The following BACE2 variants were observed in gnomAD, a reference collection of about 807,000 sequenced individuals.
BACE2 encodes beta-secretase 2.
BACE2 carries 17 observed loss-of-function variants against 46.2 expected under a neutral mutation model. The ratio of observed to expected loss-of-function variants is 0.37; its 90% CI spans 0.25 to 0.55. The LOEUF (loss-of-function observed/expected upper bound fraction) is 0.55, where lower values mean the gene tolerates loss of function less well. Ranked by LOEUF, BACE2 falls within the 20% of genes least tolerant of loss-of-function variation. The probability of loss-of-function intolerance (pLI) is 0.82; values close to 1 mark genes in which losing one functional copy is unlikely to be tolerated. For missense variants in BACE2, 595 were observed against 698.1 expected (o/e 0.85, Z 1.66); for synonymous variants, 277 against 295.9 (o/e 0.94, Z 0.66).
At chr21:41,214,226 G>T (rs1169147574) in intron 1 of BACE2, among the ~76,000 whole-genome samples, 3 of 152,194 alleles carry the variant, frequency 2.0e-5, no homozygotes, top group African/African-American at 7.2e-5. Context: ...GAGGGAGATT[G>T]GACCCCAAGC....
intron 1 of BACE2, among the ~76,000 whole-genome samples, chr21:41,197,266 G>GT (rs57910664): frequency 0.12 from 17,931 of 143,508 alleles, 1,219 homozygotes; most frequent in Non-Finnish European, 0.15. Flanking sequence ...AGCCAGCCAG[G>GT]TTTTTTTTGT....
chr21:41,271,337 T>C (rs1447101771), intron 8 of BACE2, among the ~76,000 whole-genome samples: 1 of 152,158 alleles, frequency 6.6e-6, no homozygotes, highest in African/African-American at 2.4e-5. Context: ...CTTGTTTCTG[T>C]ATGGCCTGTG....
intron 1 of BACE2, among the ~76,000 whole-genome samples, chr21:41,216,387 A>C (rs948352371): frequency 6.6e-6 from 1 of 152,220 alleles, no homozygotes; most frequent in Non-Finnish European, 1.5e-5. Flanking sequence ...GGCTTTGCCA[A>C]GCTGTGACTC....
chr21:41,191,398 G>A (rs777514616), intron 1 of BACE2, among the ~76,000 whole-genome samples: 10 of 152,178 alleles, frequency 6.6e-5, no homozygotes, highest in Non-Finnish European at 1.2e-4. Flanking sequence ...ATACCATGAC[G>A]GTGGATAATG....
At chr21:41,246,256 C>A in intron 6 of BACE2, 193 bp downstream of exon 6, 1 of 322,596 alleles carries the variant, frequency 3.1e-6, no homozygotes, top group Non-Finnish European at 5.5e-6. Context: ...TATTTAAAAT[C>A]TTTATATTTT....
At chr21:41,249,005 C>A (rs564227028) in intron 6 of BACE2, among the ~76,000 whole-genome samples, 3 of 152,242 alleles carry the variant, frequency 2.0e-5, no homozygotes, top group East Asian at 1.9e-4. Flanking sequence ...CACCCTCCTA[C>A]GTGATCCCAT....
At chr21:41,207,443 G>C (rs112944424) in intron 1 of BACE2, among the ~76,000 whole-genome samples, 2 of 152,268 alleles carry the variant, frequency 1.3e-5, no homozygotes, top group East Asian at 1.9e-4. Flanking sequence ...CAGTGAATGC[G>C]CTCACACATG....
chr21:41,241,101 G>A (rs1987273555), intron 3 of BACE2, among the ~76,000 whole-genome samples: 1 of 152,118 alleles, frequency 6.6e-6, no homozygotes, highest in African/African-American at 2.4e-5. Flanking sequence ...TGGCACACCG[G>A]CACCTCACAG....
At position 41,275,656 on chromosome 21, in the gene BACE2, C is replaced by G. The variant is rs746270052; in HGVS notation, c.*32C>G. ...AGGCCTGACCTCAAGCAACCATGAA[C>G]TCAGCTATTAAGAAAATCACATTTC... On this transcript the variant is annotated 3_prime_UTR_variant, in exon 9 of 9. Transcript: ENST00000330333. 9 of 1,606,826 alleles carry G rather than the reference C, an allele frequency of 5.6e-6. No homozygotes were observed. Among genetic ancestry groups the G allele is most frequent in the Middle Eastern group, 3.3e-4 (2 of 6,014 alleles).
rs773260979 is a variant in BACE2, at chr21:41,207,648, TGCAGGAGGGACTGTTGGA to T, written c.313-18613_313-18596del. On this transcript the variant is annotated intron_variant, in intron 1 of 8. Coordinates refer to ENST00000330333, the MANE Select transcript of BACE2 (RefSeq NM_012105.5). ...CCCGCCCCACTGATCTCCCTCCTGG[TGCAGGAGGGACTGTTGGA>T]GCAGAAGAAAACATCCAGCTCACCT... Among the ~76,000 whole-genome samples the T allele has an allele frequency of 1.5e-3, 217 of 147,652 alleles. 1 individual carries two copies. Among genetic ancestry groups the T allele is most frequent in the Middle Eastern group, 3.4e-3 (1 of 294 alleles).
At chr21:41,203,856 G>A (rs958554685) in intron 1 of BACE2, among the ~76,000 whole-genome samples, 13 of 152,194 alleles carry the variant, frequency 8.5e-5, no homozygotes, top group African/African-American at 1.7e-4. Flanking sequence ...TTTGAAAGAC[G>A]TCAAACCCCT....
chr21:41,213,604 C>T (rs560750775), intron 1 of BACE2, among the ~76,000 whole-genome samples: 1 of 152,224 alleles, frequency 6.6e-6, no homozygotes, highest in African/African-American at 2.4e-5. Flanking sequence ...GAAACCCCGT[C>T]TCTACTAAAA....
chr21:41,176,321 C>A (rs1291219766), intron 1 of BACE2: 1 of 152,198 alleles, frequency 6.6e-6, no homozygotes, highest in East Asian at 1.9e-4. Context: ...GTCGTTGCTT[C>A]TTTCCCCAAA....
intron 1 of BACE2, among the ~76,000 whole-genome samples, chr21:41,187,438 G>C (rs1985418496): frequency 6.6e-6 from 1 of 152,228 alleles, no homozygotes; most frequent in Non-Finnish European, 1.5e-5. Flanking sequence ...CTAGAACCAT[G>C]GCTGGCACAA....
intron 1 of BACE2, chr21:41,184,156 T>A (rs1057002496): frequency 6.0e-6 from 1 of 167,056 alleles, no homozygotes; most frequent in South Asian, 2.1e-4. Context: ...GAAGATTGAA[T>A]GAGAAAATGT....
chr21:41,202,667 T>C (rs1165778139), intron 1 of BACE2, among the ~76,000 whole-genome samples: 2 of 152,134 alleles, frequency 1.3e-5, no homozygotes, highest in Admixed American at 6.5e-5. Flanking sequence ...TAACAAGTCA[T>C]AAGGTAATGC....
chr21:41,264,501 T>A (rs1988019818), intron 8 of BACE2, among the ~76,000 whole-genome samples: 1 of 152,024 alleles, frequency 6.6e-6, no homozygotes, highest in South Asian at 2.1e-4. Context: ...TTATACAGAC[T>A]TCTGCTTCTC....
chr21:41,211,181 T>G (rs1162288997), intron 1 of BACE2, among the ~76,000 whole-genome samples: 2 of 99,878 alleles, frequency 2.0e-5, no homozygotes, highest in African/African-American at 4.1e-5. Flanking sequence ...CCCATCCCTC[T>G]CCCCCCTTCA....
chr21:41,264,116 A>G (rs1988007535), intron 8 of BACE2, among the ~76,000 whole-genome samples: 1 of 152,078 alleles, frequency 6.6e-6, no homozygotes, highest in African/African-American at 2.4e-5. Context: ...GCTATGTTCA[A>G]TCTACTATTT....
Sources: allele counts gnomAD v4.1 joint callset (sites outside exome capture counted in the v4.1 genomes callset), GRCh38; gene constraint gnomAD v4.1.1; transcripts MANE v1.5; gene names NCBI Gene and HGNC (gene_info 2026-07-23, HGNC 2026-07-21).